Variants in CLEC16A observed in about 807,000 individuals in gnomAD.
CLEC16A encodes the protein protein CLEC16A.
Under a neutral mutation model 109.5 loss-of-function variants are expected in CLEC16A, and 51 were observed. The ratio of observed to expected loss-of-function variants is 0.47; its 90% CI spans 0.37 to 0.59. CLEC16A has a LOEUF of 0.59. CLEC16A is among the 20% of genes least tolerant of loss of function. The pLI, the probability that CLEC16A is intolerant of heterozygous loss-of-function variation, is 0.00. For missense variants in CLEC16A, 1,339 were observed against 1,394.0 expected, an observed-to-expected ratio of 0.96 and a Z score of 0.63; for synonymous variants, 673 against 564.2, an observed-to-expected ratio of 1.19 and a Z score of -2.73.
At chr16:11,053,727 G>C (rs1284415736) in intron 18 of CLEC16A, among the ~76,000 whole-genome samples, 1 of 152,166 alleles carries the variant, frequency 6.6e-6, no homozygotes, top group African/African-American at 2.4e-5. Flanking sequence ...AGGTCACCCA[G>C]CTAGTGAGTA....
chr16:11,020,093 G>A, intron 11 of CLEC16A, 100 bp from the exon 12 acceptor site: 1 of 1,377,892 alleles, frequency 7.3e-7, no homozygotes, highest in Non-Finnish European at 9.8e-7. Context: ...TGATGTGTTT[G>A]GAGTCATTTA....
chr16:11,141,630 T>A (rs1461360336), intron 22 of CLEC16A, among the ~76,000 whole-genome samples: 1 of 152,228 alleles, frequency 6.6e-6, no homozygotes, highest in African/African-American at 2.4e-5. Context: ...TCCTTGCACG[T>A]ACCGTGTGGG....
intron 10 of CLEC16A, among the ~76,000 whole-genome samples, chr16:10,990,810 C>T (rs2043961187): frequency 6.6e-6 from 1 of 152,180 alleles, no homozygotes; most frequent in Admixed American, 6.5e-5. Flanking sequence ...CAATTAAAAT[C>T]AGAAAATTGA....
At chr16:11,086,439 T>A (rs2050012652) in intron 19 of CLEC16A, among the ~76,000 whole-genome samples, 1 of 152,252 alleles carries the variant, frequency 6.6e-6, no homozygotes, top group East Asian at 1.9e-4. Context: ...CTTTGCTATA[T>A]GGTAAGGCTT....
chr16:10,977,638 C>T (rs945325266), intron 8 of CLEC16A, among the ~76,000 whole-genome samples: 3 of 152,146 alleles, frequency 2.0e-5, no homozygotes, highest in African/African-American at 4.8e-5. Context: ...CTCAGCCTCC[C>T]GAGTAGCTGG....
intron 5 of CLEC16A, 77 bp downstream of exon 5, chr16:10,971,307 C>A: frequency 9.3e-7 from 1 of 1,071,272 alleles, no homozygotes; most frequent in Non-Finnish European, 1.4e-6. Context: ...TGTGTGCGTA[C>A]AGTTCTCCGA....
chr16:11,167,709 C>A (rs1028706946), intron 23 of CLEC16A, among the ~76,000 whole-genome samples: 2 of 152,322 alleles, frequency 1.3e-5, no homozygotes, highest in Non-Finnish European at 2.9e-5. Context: ...AGGAAAGTCA[C>A]CCCACAGCCA....
In CLEC16A at chr16:11,178,900, G is replaced by A; in HGVS notation, c.*210G>A. Reference sequence around the variant, plus strand: ...CTTTGCATCTCTTCACGTGCAGGCTGGGACCAGCGGAGACACCGCGGCGAA... The same window carrying A: ...CTTTGCATCTCTTCACGTGCAGGCTAGGACCAGCGGAGACACCGCGGCGAA... On this transcript the variant is annotated 3_prime_UTR_variant, in exon 24 of 24. Coordinates refer to ENST00000409790, the MANE Select transcript of CLEC16A (RefSeq NM_015226.3). This position sits in a 1 kb window ranked among gnomAD's most constrained non-coding sequence, Gnocchi z 6.5. 1.9e-6 allele frequency: 1 copy of A among 514,840 alleles called. No homozygotes were observed. Among genetic ancestry groups the A allele is most frequent in the Non-Finnish European group, 3.4e-6 (1 of 295,084 alleles). 31.9% of individuals were successfully genotyped at this position (514,840 alleles called of 1,614,324 possible). A position where few individuals can be genotyped will look rare whatever the true frequency, so the allele number is the denominator to read the frequency against.
chr16:10,958,297 A>G (rs1395427549), intron 2 of CLEC16A, among the ~76,000 whole-genome samples: 3 of 152,226 alleles, frequency 2.0e-5, no homozygotes, highest in African/African-American at 7.2e-5. Context: ...GACCAGGCAC[A>G]GGGCTGAGCT....
intron 3 of CLEC16A, among the ~76,000 whole-genome samples, chr16:10,963,325 A>G (rs577771878): frequency 1.3e-5 from 2 of 152,288 alleles, no homozygotes. Context: ...TACAGCCACA[A>G]TGGGGGTTAG....
At chr16:11,114,498 G>A (rs1015338472) in intron 19 of CLEC16A, among the ~76,000 whole-genome samples, 3 of 152,126 alleles carry the variant, frequency 2.0e-5, no homozygotes, top group African/African-American at 7.2e-5. Context: ...CGACAGAGCC[G>A]TCTGCCACCA....
intron 12 of CLEC16A, chr16:11,024,106 C>A (rs973299834): frequency 6.6e-6 from 1 of 152,078 alleles, no homozygotes; most frequent in African/African-American, 2.4e-5. Context: ...GGGTCAGGAC[C>A]CTGCCAAAGT....
At chr16:11,082,303 G>A (rs1252662946) in intron 19 of CLEC16A, among the ~76,000 whole-genome samples, 1 of 152,138 alleles carries the variant, frequency 6.6e-6, no homozygotes, top group Non-Finnish European at 1.5e-5. Context: ...ACCCCTGCAG[G>A]GCCAGGGCCC....
intron 19 of CLEC16A, among the ~76,000 whole-genome samples, chr16:11,067,212 A>T (rs1282218029): frequency 1.4e-4 from 17 of 124,296 alleles, no homozygotes; most frequent in African/African-American, 5.1e-4. Flanking sequence ...TTTTTTTTTA[A>T]AAAAAGCAAG....
At chr16:11,166,958 C>A (rs1044594909) in intron 23 of CLEC16A, among the ~76,000 whole-genome samples, 4 of 152,062 alleles carry the variant, frequency 2.6e-5, no homozygotes, top group Non-Finnish European at 5.9e-5. Flanking sequence ...CTGTAACATA[C>A]CAGTTTTGTC....
intron 19 of CLEC16A, among the ~76,000 whole-genome samples, chr16:11,063,526 C>G (rs1663775511): frequency 6.6e-6 from 1 of 152,084 alleles, no homozygotes; most frequent in South Asian, 2.1e-4. Context: ...TCACCATTTA[C>G]CTGACTCCAT....
At chr16:11,092,565 T>C (rs2050375108) in intron 19 of CLEC16A, among the ~76,000 whole-genome samples, 1 of 152,176 alleles carries the variant, frequency 6.6e-6, no homozygotes, top group Non-Finnish European at 1.5e-5. Context: ...AAAAAGCCCA[T>C]GCTTAAACCA....
In CLEC16A at chr16:10,982,937, T is replaced by C. The variant is rs1230410616; in HGVS notation, c.1017T>C (p.Asn339=). The part of the protein sequence containing the change: ...LVNSLAEVIL[N]GDLSEMYAKT... ...ACTCGTTAGCTGAAGTCATTCTGAA[T>C]GGTGATCTGTCTGAGATGTACGCTA... The change falls in exon 10 of 24, where the codon AAT becomes AAC. Residue 339 remains asparagine, a synonymous_variant. Coordinates refer to ENST00000409790, the MANE Select transcript of CLEC16A (RefSeq NM_015226.3). 6.2e-7 allele frequency: 1 copy of C among 1,613,390 alleles called. No homozygotes were observed. The highest frequency in any genetic ancestry group is 8.5e-7 in the Non-Finnish European group (1 of 1,179,306).
In CLEC16A at chr16:11,178,589, C is replaced by T. The variant is rs756857729; in HGVS notation, c.3061C>T (p.Leu1021Phe). The change falls in exon 24 of 24, where the codon CTC becomes TTC. Residue 1021 changes from leucine to phenylalanine, a missense_variant. By Grantham distance (22) the Leu-to-Phe change is conservative. Coordinates refer to ENST00000409790, the MANE Select transcript of CLEC16A (RefSeq NM_015226.3). The surrounding 1 kb of genome is among the most constrained non-coding windows in gnomAD (Gnocchi z 6.5). ...AGTTGACCCCCACAGCCTCCGCAGCCTCACCGGCATGCCCCCGCTGTCCAC... is the reference window on the plus strand; with the variant it reads ...AGTTGACCCCCACAGCCTCCGCAGCTTCACCGGCATGCCCCCGCTGTCCAC... ...PPVDPHSLRS[L>F]TGMPPLSTPA... 3.7e-6 allele frequency: 6 copies of T among 1,609,754 alleles called. No individual in the cohort carries two copies. In the African/African-American group the frequency reaches 8.0e-5, roughly 21 times the overall value.
Sources: gnomAD v4.1 joint callset for allele counts (sites outside exome capture counted in the v4.1 genomes callset) on GRCh38, gnomAD v4.1.1 for gene constraint, Gnocchi (gnomAD v3.1) non-coding constraint, MANE v1.5 for transcripts, NCBI Gene and HGNC (gene_info 2026-07-23, HGNC 2026-07-21) for gene names.